PCDHA11: variants seen among roughly 807,000 people sequenced by gnomAD.
PCDHA11 encodes the protein protocadherin alpha-11.
A neutral mutation model predicts 70.3 loss-of-function variants in PCDHA11; 61 were observed. That is an observed-to-expected ratio of 0.87 (90% confidence interval 0.71 to 1.07). The LOEUF (loss-of-function observed/expected upper bound fraction) is 1.07. PCDHA11 is among the 50% of genes least tolerant of loss of function. The pLI, the probability that PCDHA11 is intolerant of heterozygous loss-of-function variation, is 0.00. For missense variants in PCDHA11, 1,324 were observed against 1,237.5 expected, an observed-to-expected ratio of 1.07 and a Z score of -1.05; for synonymous variants, 633 against 555.1, an observed-to-expected ratio of 1.14 and a Z score of -1.97.
intron 1 of PCDHA11, among the ~76,000 whole-genome samples, chr5:140,957,259 T>A (rs1554222896): frequency 6.6e-6 from 1 of 152,182 alleles, no homozygotes; most frequent in Admixed American, 6.5e-5. Context: ...TTTAAATATG[T>A]AAGCACTAGT....
intron 1 of PCDHA11, among the ~76,000 whole-genome samples, chr5:140,940,219 T>C (rs1554213221): frequency 6.6e-6 from 1 of 152,180 alleles, no homozygotes; most frequent in Non-Finnish European, 1.5e-5. Context: ...TTGGCATTTA[T>C]TTCATTTTGG....
At chr5:140,939,911 T>C (rs1554213037) in intron 1 of PCDHA11, among the ~76,000 whole-genome samples, 1 of 152,232 alleles carries the variant, frequency 6.6e-6, no homozygotes, top group African/African-American at 2.4e-5. Flanking sequence ...TTCTTTTTTA[T>C]TCTTTTTGTT....
Position 141,010,072 on chromosome 5 carries a change from C to T in PCDHA11, c.*135C>T. The T allele has an allele frequency of 3.1e-6, 5 of 1,606,334 alleles. No individual in the cohort carries two copies. The highest frequency in any genetic ancestry group is 4.3e-6 in the Non-Finnish European group (5 of 1,176,104). On this transcript the variant is annotated 3_prime_UTR_variant, in exon 4 of 4. Transcript: ENST00000398640. Reference sequence around the variant, plus strand: ...ACCTCAGAAATCTGCAGAAAGTTCCCTGTGTCTGTCTAGAACGCATTTAAC... The same window carrying T: ...ACCTCAGAAATCTGCAGAAAGTTCCTTGTGTCTGTCTAGAACGCATTTAAC...
intron 1 of PCDHA11, among the ~76,000 whole-genome samples, chr5:140,879,438 A>C (rs2057989809): frequency 6.6e-6 from 1 of 152,214 alleles, no homozygotes; most frequent in South Asian, 2.1e-4. Context: ...ACATTTAAGA[A>C]AATGTTACTT....
At chr5:140,969,236 G>A (rs782453054) in intron 1 of PCDHA11, 5 of 1,614,052 alleles carry the variant, frequency 3.1e-6, no homozygotes, top group Non-Finnish European at 4.2e-6. Flanking sequence ...GGGAGCCCAA[G>A]CAGCAGTGAC....
At chr5:140,896,226 T>G (rs1554186874) in intron 1 of PCDHA11, among the ~76,000 whole-genome samples, 1 of 152,242 alleles carries the variant, frequency 6.6e-6, no homozygotes, top group African/African-American at 2.4e-5. Flanking sequence ...GTCTTTATAG[T>G]AGAATGACTT....
At chr5:140,966,892 C>G (rs782364150) in intron 1 of PCDHA11, 4 of 1,595,414 alleles carry the variant, frequency 2.5e-6, no homozygotes, top group South Asian at 1.1e-5. Flanking sequence ...CTGCGGCCTC[C>G]CAGCTGCGAT....
intron 1 of PCDHA11, among the ~76,000 whole-genome samples, chr5:140,976,972 C>T (rs969505831): frequency 2.6e-5 from 4 of 152,182 alleles, no homozygotes; most frequent in Non-Finnish European, 5.9e-5. Flanking sequence ...TTCCTTTTCC[C>T]TGCCTGATCT....
At chr5:140,902,103 A>AT (rs1435105079) in intron 1 of PCDHA11, among the ~76,000 whole-genome samples, 1 of 151,172 alleles carries the variant, frequency 6.6e-6, no homozygotes, top group Non-Finnish European at 1.5e-5. Context: ...GAGTCTTTAG[A>AT]TTTTTTTAAA....
intron 1 of PCDHA11, chr5:140,884,750 A>T (rs1032518651): frequency 8.1e-5 from 116 of 1,431,120 alleles, no homozygotes; most frequent in Non-Finnish European, 1.2e-5. Context: ...TGCCAATTTC[A>T]AATTATTCTT....
chr5:140,948,108 G>A (rs902891466), intron 1 of PCDHA11, among the ~76,000 whole-genome samples: 2 of 151,096 alleles, frequency 1.3e-5, no homozygotes, highest in Non-Finnish European at 3.0e-5. Context: ...ATTTTTCTTC[G>A]TTTTACTAAT....
Position 141,010,550 on chromosome 5 carries a change from ACC to A in PCDHA11, c.*617_*618del. 3.2e-6 allele frequency: 1 copy of A among 316,712 alleles called. No individual in the cohort carries two copies. The highest frequency in any genetic ancestry group is 5.8e-6 in the Non-Finnish European group (1 of 172,196). The allele number at this position is 316,712 out of a possible 1,614,324, so 19.6% of individuals were successfully genotyped here. ...CAGCCACCCTCTAGGAGACAAAACT[ACC>A]CCCACTGACAAGGCTTTAGGAGACC... On this transcript the variant is annotated 3_prime_UTR_variant, in exon 4 of 4. Transcript: ENST00000398640.
chr5:140,978,802 T>C, intron 1 of PCDHA11, 147 bp from the exon 2 acceptor site: 1 of 1,483,264 alleles, frequency 6.7e-7, no homozygotes, highest in Non-Finnish European at 9.0e-7. Flanking sequence ...TATGTAGATA[T>C]CATCATAGAG....
chr5:140,877,606 G>A, intron 1 of PCDHA11: 1 of 1,613,888 alleles, frequency 6.2e-7, no homozygotes, highest in Non-Finnish European at 8.5e-7. Flanking sequence ...CAGCCTGCTG[G>A]TGCTCACGCT....
intron 1 of PCDHA11, among the ~76,000 whole-genome samples, chr5:140,878,538 C>T (rs1001402199): frequency 3.9e-5 from 6 of 152,088 alleles, no homozygotes; most frequent in Non-Finnish European, 7.4e-5. Context: ...TGGCTCAAAC[C>T]AGTTTCAGAT....
intron 1 of PCDHA11, among the ~76,000 whole-genome samples, chr5:140,976,307 T>C (rs955106939): frequency 6.6e-6 from 1 of 152,100 alleles, no homozygotes; most frequent in African/African-American, 2.4e-5. Flanking sequence ...TCCCAGCACT[T>C]TGGGAGGCCG....
intron 3 of PCDHA11, among the ~76,000 whole-genome samples, chr5:140,983,526 A>C (rs1421450953): frequency 6.6e-6 from 1 of 152,230 alleles, no homozygotes; most frequent in African/African-American, 2.4e-5. Context: ...TGCCAAGTAC[A>C]TTGTATGTGT....
intron 1 of PCDHA11, chr5:140,929,083 A>G (rs1554206659): frequency 1.2e-6 from 2 of 1,614,156 alleles, no homozygotes; most frequent in Admixed American, 3.3e-5. Context: ...TGGAAGTAAG[A>G]TGGTTTCAAA....
intron 3 of PCDHA11, among the ~76,000 whole-genome samples, chr5:140,998,707 A>G (rs1230153468): frequency 6.6e-6 from 1 of 151,942 alleles, no homozygotes; most frequent in African/African-American, 2.4e-5. Flanking sequence ...TGGGATTACA[A>G]GCTTGCACCA....
Sources: gnomAD v4.1 joint callset for allele counts (sites outside exome capture counted in the v4.1 genomes callset) on GRCh38, gnomAD v4.1.1 for gene constraint, MANE v1.5 for transcripts, NCBI Gene and HGNC (gene_info 2026-07-23, HGNC 2026-07-21) for gene names.